The following ROBO2 variants were observed in gnomAD, a reference collection of about 807,000 sequenced individuals.
ROBO2 encodes roundabout homolog 2.
In ROBO2, 53 loss-of-function variants were observed where a neutral mutation model predicts 160.8. The ratio of observed to expected loss-of-function variants is 0.33; its 90% CI spans 0.26 to 0.41. ROBO2 has a LOEUF of 0.41. Among genes scored for constraint, ROBO2 ranks in the 10% least tolerant of loss-of-function variants. ROBO2 has a pLI of 1.00. For missense variants in ROBO2, 1,577 were observed against 1,722.4 expected, an observed-to-expected ratio of 0.92 and a Z score of 1.49; for synonymous variants, 664 against 611.7, an observed-to-expected ratio of 1.09 and a Z score of -1.26.
At chr3:77,621,693 T>A (rs2094903360) in intron 22 of ROBO2, among the ~76,000 whole-genome samples, 1 of 152,074 alleles carries the variant, frequency 6.6e-6, no homozygotes, top group Non-Finnish European at 1.5e-5. Context: ...AAAGTGGAAA[T>A]AGCCTTCCAG....
intron 2 of ROBO2, among the ~76,000 whole-genome samples, chr3:76,219,922 C>A (rs1344850613): frequency 1.3e-5 from 2 of 151,836 alleles, no homozygotes; most frequent in African/African-American, 2.4e-5. Flanking sequence ...GACTTGGAAC[C>A]AACCCAAATG....
intron 2 of ROBO2, among the ~76,000 whole-genome samples, chr3:76,256,352 T>TAAA (rs1211040183): frequency 2.9e-5 from 2 of 69,958 alleles, no homozygotes; most frequent in African/African-American, 5.0e-5. Flanking sequence ...TCTCTCTCTC[T>TAAA]CACATACACA....
chr3:77,477,834 T>TC (rs1395860503), intron 3 of ROBO2, among the ~76,000 whole-genome samples: 2 of 138,332 alleles, frequency 1.4e-5, no homozygotes, highest in Non-Finnish European at 3.1e-5. Context: ...TTAGCTCTTT[T>TC]TTTTTTTTTT....
chr3:76,192,866 T>C (rs954352149), intron 2 of ROBO2, among the ~76,000 whole-genome samples: 1 of 152,196 alleles, frequency 6.6e-6, no homozygotes, highest in Non-Finnish European at 1.5e-5. Flanking sequence ...CAAGAGCTGC[T>C]TACACTTACT....
chr3:75,969,217 T>C (rs1358943465), intron 2 of ROBO2, among the ~76,000 whole-genome samples: 2 of 150,468 alleles, frequency 1.3e-5, no homozygotes, highest in African/African-American at 2.4e-5. Flanking sequence ...CATCATAGTT[T>C]CTTTATCCAA....
chr3:76,621,324 G>T (rs1035511818), intron 2 of ROBO2, among the ~76,000 whole-genome samples: 3 of 152,082 alleles, frequency 2.0e-5, no homozygotes, highest in African/African-American at 7.2e-5. Flanking sequence ...ATTCTTACAC[G>T]CTTTGGTCTG....
intron 2 of ROBO2, among the ~76,000 whole-genome samples, chr3:76,208,341 C>T (rs909885271): frequency 6.6e-6 from 1 of 152,156 alleles, no homozygotes; most frequent in Non-Finnish European, 1.5e-5. Context: ...CAGAATTAAT[C>T]ATCATTTATT....
intron 2 of ROBO2, among the ~76,000 whole-genome samples, chr3:77,003,674 C>A (rs1189573883): frequency 6.6e-6 from 1 of 152,088 alleles, no homozygotes; most frequent in African/African-American, 2.4e-5. Flanking sequence ...GATTCTCCTA[C>A]CTCAGCCTCC....
intron 25 of ROBO2, 45 bp from the exon 28 acceptor site, chr3:77,646,009 A>G: frequency 6.9e-7 from 1 of 1,443,494 alleles, no homozygotes; most frequent in Non-Finnish European, 9.6e-7. Flanking sequence ...AGAAAAGCAG[A>G]ATGCTTAATT....
At chr3:75,963,830 G>A (rs1949010762) in intron 2 of ROBO2, among the ~76,000 whole-genome samples, 3 of 151,718 alleles carry the variant, frequency 2.0e-5, no homozygotes. Flanking sequence ...TCTTCACGCA[G>A]TTGTACTTCT....
chr3:77,453,751 T>C (rs1182167295), intron 2 of ROBO2, among the ~76,000 whole-genome samples: 2 of 152,126 alleles, frequency 1.3e-5, no homozygotes, highest in Non-Finnish European at 2.9e-5. Flanking sequence ...AACTCTACCT[T>C]ATTACTGTTA....
chr3:77,469,134 A>G (rs1032818556), intron 2 of ROBO2, among the ~76,000 whole-genome samples: 1 of 152,218 alleles, frequency 6.6e-6, no homozygotes, highest in Non-Finnish European at 1.5e-5. Flanking sequence ...AAAATACAGA[A>G]TTATTATGCG....
chr3:76,366,770 AT>A (rs2075832622), intron 2 of ROBO2, among the ~76,000 whole-genome samples: 1 of 151,984 alleles, frequency 6.6e-6, no homozygotes, highest in South Asian at 2.1e-4. Flanking sequence ...TTACACAAAA[AT>A]ATCTCTTCAA....
intron 2 of ROBO2, among the ~76,000 whole-genome samples, chr3:76,461,408 C>T (rs2078080497): frequency 6.6e-6 from 1 of 151,994 alleles, no homozygotes; most frequent in Admixed American, 6.6e-5. Flanking sequence ...TCTATATCAA[C>T]CACTATTGTA....
chr3:76,903,675 A>G (rs1457242678), intron 2 of ROBO2, among the ~76,000 whole-genome samples: 1 of 152,170 alleles, frequency 6.6e-6, no homozygotes, highest in Non-Finnish European at 1.5e-5. Context: ...AGCCCAATTC[A>G]GTTCATTCTT....
chr3:77,125,463 C>A (rs942542193), intron 2 of ROBO2, among the ~76,000 whole-genome samples: 1 of 152,118 alleles, frequency 6.6e-6, no homozygotes, highest in Non-Finnish European at 1.5e-5. Context: ...AAGATTAACT[C>A]TGCTGAATTT....
intron 2 of ROBO2, among the ~76,000 whole-genome samples, chr3:76,469,875 T>C (rs746742286): frequency 6.6e-6 from 1 of 152,170 alleles, no homozygotes; most frequent in Non-Finnish European, 1.5e-5. Flanking sequence ...AGAGATCCAG[T>C]AAATTTTCTT....
chr3:76,411,933 T>C lies in ROBO2; in HGVS notation c.109+474331T>C, dbSNP rs554807882. Among the ~76,000 whole-genome samples, 212 of 152,302 alleles carry C rather than the reference T, an allele frequency of 1.4e-3. 1 individual carries two copies. The highest frequency in any genetic ancestry group is 4.8e-3 in the African/African-American group (199 of 41,582). On this transcript the variant is annotated intron_variant, in intron 2 of 26. Coordinates refer to the ROBO2 transcript ENST00000487694. ...CCCTTCGCCAAAGGTACTTTTATCC[T>C]GTGGAAGTATGTGCCTGAAAATGCC...
intron 2 of ROBO2, among the ~76,000 whole-genome samples, chr3:76,352,335 G>A (rs1034563241): frequency 1.3e-5 from 2 of 152,006 alleles, no homozygotes; most frequent in East Asian, 1.9e-4. Flanking sequence ...ACATCCCCTC[G>A]TTCCTACTGG....
Sources: allele counts gnomAD v4.1 joint callset (sites outside exome capture counted in the v4.1 genomes callset), GRCh38; gene constraint gnomAD v4.1.1; transcripts MANE v1.5; gene names NCBI Gene and HGNC (gene_info 2026-07-23, HGNC 2026-07-21).